Variants in LRP1B observed in about 807,000 individuals in gnomAD.
LRP1B encodes LDL receptor related protein 1B, also known as low-density lipoprotein receptor-related protein 1B.
In LRP1B, 217 loss-of-function variants were observed where a neutral mutation model predicts 556.6. That is an observed-to-expected ratio of 0.39 (90% CI 0.35 to 0.44). The LOEUF is 0.44. Among genes scored for constraint, LRP1B ranks in the 20% least tolerant of loss-of-function variants. LRP1B has a pLI of 1.00. For missense variants in LRP1B, 5,053 were observed against 5,620.8 expected, an observed-to-expected ratio of 0.90 and a Z score of 3.23; for synonymous variants, 2,047 against 1,865.8, an observed-to-expected ratio of 1.10 and a Z score of -2.50.
chr2:142,118,820 T>C (rs1346981395), intron 1 of LRP1B, among the ~76,000 whole-genome samples: 1 of 152,176 alleles, frequency 6.6e-6, no homozygotes, highest in Admixed American at 6.6e-5. Flanking sequence ...AAATTAAATA[T>C]TAATGCAAAA....
intron 3 of LRP1B, among the ~76,000 whole-genome samples, chr2:141,311,743 G>T (rs1573788254): frequency 6.6e-6 from 1 of 152,168 alleles, no homozygotes; most frequent in Admixed American, 6.5e-5. Context: ...TTCACCAGAT[G>T]TCAGTGCTAT....
intron 3 of LRP1B, among the ~76,000 whole-genome samples, chr2:141,437,989 CATT>C (rs370247209): frequency 1.3e-3 from 195 of 152,092 alleles, no homozygotes; most frequent in African/African-American, 4.5e-3. Flanking sequence ...AAATTCTTCT[CATT>C]ATGGGGATTC....
At chr2:141,712,725 A>G (rs1328128364) in intron 2 of LRP1B, among the ~76,000 whole-genome samples, 3 of 151,866 alleles carry the variant, frequency 2.0e-5, no homozygotes, top group African/African-American at 4.8e-5. Context: ...GCTAGAGTAC[A>G]GTGGTGTGAT....
At chr2:142,031,192 T>C (rs1048926195) in intron 1 of LRP1B, among the ~76,000 whole-genome samples, 5 of 151,748 alleles carry the variant, frequency 3.3e-5, no homozygotes, top group Admixed American at 1.3e-4. Context: ...CTTGTGTGTG[T>C]GTAATGAGAT....
intron 1 of LRP1B, among the ~76,000 whole-genome samples, chr2:141,992,062 C>T (rs1702359353): frequency 6.6e-6 from 1 of 152,088 alleles, no homozygotes; most frequent in South Asian, 2.1e-4. Flanking sequence ...GCCCACAGCG[C>T]ATCCCTCTAT....
At chr2:141,894,054 T>A (rs920109) in intron 1 of LRP1B, among the ~76,000 whole-genome samples, 8 of 151,918 alleles carry the variant, frequency 5.3e-5, no homozygotes, top group African/African-American at 9.7e-5. Flanking sequence ...ATAATTAGAC[T>A]TTTATACCTT....
chr2:140,705,240 A>C (rs1686787675), intron 37 of LRP1B, among the ~76,000 whole-genome samples: 1 of 152,064 alleles, frequency 6.6e-6, no homozygotes, highest in African/African-American at 2.4e-5. Flanking sequence ...ACCAAAAAAC[A>C]GTCCTGGCAC....
intron 1 of LRP1B, among the ~76,000 whole-genome samples, chr2:141,812,557 A>G (rs1229567880): frequency 1.3e-5 from 2 of 152,154 alleles, no homozygotes; most frequent in African/African-American, 4.8e-5. Flanking sequence ...TTGAAAATAT[A>G]AAGGAGTAAA....
intron 41 of LRP1B, among the ~76,000 whole-genome samples, chr2:140,663,091 A>G (rs1021825369): frequency 5.9e-5 from 9 of 152,194 alleles, no homozygotes; most frequent in Admixed American, 2.6e-4. Context: ...ATTTCAGCTC[A>G]ATGATATGTT....
chr2:141,526,629 C>T (rs1348139167), intron 2 of LRP1B, among the ~76,000 whole-genome samples: 2 of 152,000 alleles, frequency 1.3e-5, no homozygotes, highest in Non-Finnish European at 2.9e-5. Flanking sequence ...CTTCCACTTG[C>T]TCTCCTGCTT....
At chr2:140,566,610 G>C (rs1478084964) in intron 43 of LRP1B, among the ~76,000 whole-genome samples, 1 of 152,086 alleles carries the variant, frequency 6.6e-6, no homozygotes, top group Non-Finnish European at 1.5e-5. Context: ...GCCTCCCAGG[G>C]ACATGATGCT....
intron 1 of LRP1B, among the ~76,000 whole-genome samples, chr2:141,821,390 G>A (rs371588239): frequency 3.7e-4 from 56 of 152,206 alleles, no homozygotes; most frequent in African/African-American, 1.2e-3. Context: ...CTCCTTAGTC[G>A]CTTTCTTTTA....
chr2:140,274,809 A>AAGAGG, intron 84 of LRP1B, among the ~76,000 whole-genome samples: 1 of 151,294 alleles, frequency 6.6e-6, no homozygotes. Context: ...TGGCTAAGAG[A>AAGAGG]GCTTATATTG....
At chr2:141,993,620 C>G (rs545565364) in intron 1 of LRP1B, among the ~76,000 whole-genome samples, 3 of 152,034 alleles carry the variant, frequency 2.0e-5, no homozygotes, top group Non-Finnish European at 2.9e-5. Context: ...TTCTTTATTT[C>G]CTTTTCTAAC....
rs1689689993 is a variant in LRP1B, at chr2:140,781,293, C to A, written c.5360-5055G>T. On this transcript the variant is annotated intron_variant, in intron 32 of 90. Transcript: ENST00000389484. ...CTGGAAAAATTATTCTAGGTTGTTGCAGTCATCTAAAAGCTTATCTTTCAT... is the reference window on the plus strand; with the variant it reads ...CTGGAAAAATTATTCTAGGTTGTTGAAGTCATCTAAAAGCTTATCTTTCAT... Among the ~76,000 whole-genome samples the A allele has an allele frequency of 2.0e-5, 3 of 152,160 alleles. No homozygotes were observed. The South Asian group carries it at 6.2e-4, about 32-fold the overall frequency.
rs528263217 is a variant in LRP1B, at chr2:140,234,882, G to T, written c.13563C>A (p.Ala4521=). The T allele has an allele frequency of 3.9e-6, 3 of 772,394 alleles. No homozygotes were observed. In the Admixed American group the frequency reaches 5.2e-5, roughly 13 times the overall value. 47.8% of individuals were successfully genotyped at this position (772,394 alleles called of 1,614,324 possible). A position where few individuals can be genotyped will look rare whatever the true frequency, so the allele number is the denominator to read the frequency against. The change falls in exon 90 of 91, where the codon GCC becomes GCA. Residue 4521 remains alanine (A), a splice_region_variant and synonymous_variant. Transcript: ENST00000389484. ...CACTGGGTCCTCCCCCTATGTACCT[G>T]GCCTGTATATAAACAGAAAATTTTA... ...DPGFMIDPTK[A]RYIGGGPSAF...
chr2:141,058,792 C>T, intron 9 of LRP1B, 91 bp downstream of exon 9: 3 of 1,023,196 alleles, frequency 2.9e-6, no homozygotes, highest in Non-Finnish European at 4.0e-6. Flanking sequence ...GAATTTATGA[C>T]TCACTCACTT....
chr2:140,556,230 T>C (rs1219874760), intron 43 of LRP1B, among the ~76,000 whole-genome samples: 1 of 152,070 alleles, frequency 6.6e-6, no homozygotes, highest in Non-Finnish European at 1.5e-5. Context: ...AAATGAATTA[T>C]CTAGCCTTTT....
chr2:140,510,998 C>CTT (rs1318070703), intron 51 of LRP1B, among the ~76,000 whole-genome samples: 44 of 147,702 alleles, frequency 3.0e-4, no homozygotes, highest in African/African-American at 1.1e-3. Flanking sequence ...CCCTAAATCT[C>CTT]TTTTTTTTTT....
Sources: gnomAD v4.1 joint callset for allele counts (sites outside exome capture counted in the v4.1 genomes callset) on GRCh38, gnomAD v4.1.1 for gene constraint, MANE v1.5 for transcripts, NCBI Gene and HGNC (gene_info 2026-07-23, HGNC 2026-07-21) for gene names.